Variants in ZNF236 observed in about 807,000 individuals in gnomAD.
ZNF236 encodes the protein regulated by glucose.
A neutral mutation model predicts 191.2 loss-of-function variants in ZNF236; 50 were observed. The observed-to-expected ratio is 0.26, with a 90% confidence interval of 0.21 to 0.33. ZNF236 has a LOEUF of 0.33. Ranked by LOEUF, ZNF236 falls within the 10% of genes least tolerant of loss-of-function variation. The pLI, the probability that ZNF236 is intolerant of heterozygous loss-of-function variation, is 1.00. For missense variants in ZNF236, 1,754 were observed against 2,374.5 expected (o/e 0.74, Z 5.43); for synonymous variants, 907 against 928.8 (o/e 0.98, Z 0.43).
chr18:76,842,115 A>T (rs896578340), intron 1 of ZNF236, among the ~76,000 whole-genome samples: 2 of 152,128 alleles, frequency 1.3e-5, no homozygotes, highest in African/African-American at 4.8e-5. Flanking sequence ...CCACTGGTTT[A>T]ATTATGTGAT....
Position 76,923,170 on chromosome 18 carries a change from C to T in ZNF236, c.3657C>T (p.His1219=). 1.9e-6 allele frequency: 3 copies of T among 1,607,472 alleles called. No homozygotes were observed. The highest frequency in any genetic ancestry group is 2.6e-6 in the Non-Finnish European group (3 of 1,173,996). ...KSTLDCHVKT[H]TGQKLFSCHV... ...CTCTCGATTGTCATGTGAAGACTCA[C>T]ACAGGTAAGGAAAACATGCCTGCGT... Residue 1219 remains histidine, a synonymous_variant, in exon 21 of 31, where the codon CAC becomes CAT. Transcript: ENST00000320610.
intron 27 of ZNF236, among the ~76,000 whole-genome samples, chr18:76,954,553 T>G (rs370598148): frequency 5.3e-5 from 8 of 152,334 alleles, no homozygotes; most frequent in East Asian, 3.8e-4. Context: ...AACAGGCATG[T>G]GTTTCTGTCA....
Position 76,927,877 on chromosome 18 carries a change from A to G in ZNF236, c.4415-50A>G, listed in dbSNP as rs1376290552. Reference sequence around the variant, plus strand: ...ATATTTTTAATATAAAAACAGGGGAAATTGGTTATTTTGAATCTCAACTTT... The same window carrying G: ...ATATTTTTAATATAAAAACAGGGGAGATTGGTTATTTTGAATCTCAACTTT... On this transcript the variant is annotated intron_variant, in intron 24 of 30. Transcript: ENST00000320610. The surrounding 1 kb of genome is among the most constrained non-coding windows in gnomAD (Gnocchi z 5.4). The G allele has an allele frequency of 7.4e-7, 1 of 1,349,608 alleles. No individual in the cohort carries two copies. The highest frequency in any genetic ancestry group is 1.5e-5 in the South Asian group (1 of 65,648). The allele number at this position is 1,349,608 out of a possible 1,614,324, so 83.6% of individuals were successfully genotyped here.
At chr18:76,861,270 T>A (rs1599340809) in intron 3 of ZNF236, among the ~76,000 whole-genome samples, 1 of 152,164 alleles carries the variant, frequency 6.6e-6, no homozygotes, top group African/African-American at 2.4e-5. Flanking sequence ...TGCCCTCAGG[T>A]TTGTCCAACA....
chr18:76,920,111 G>A, intron 20 of ZNF236, 53 bp downstream of exon 20: 1 of 1,554,040 alleles, frequency 6.4e-7, no homozygotes, highest in Non-Finnish European at 8.7e-7. Context: ...GGAGGTGCAG[G>A]CAGCTGCTCC....
At chr18:76,905,524 G>GC in intron 13 of ZNF236, 109 bp downstream of exon 13, 1 of 991,904 alleles carries the variant, frequency 1.0e-6, no homozygotes, top group Non-Finnish European at 1.4e-6. Flanking sequence ...ATTATTTCTA[G>GC]CTCATACTAT....
chr18:76,890,410 T>G (rs544946483), intron 9 of ZNF236, among the ~76,000 whole-genome samples: 3 of 152,202 alleles, frequency 2.0e-5, no homozygotes, highest in Non-Finnish European at 4.4e-5. Flanking sequence ...TTATTGAAAT[T>G]TTATCATTGG....
At chr18:76,929,099 GT>G (rs1325781769) in intron 25 of ZNF236, among the ~76,000 whole-genome samples, 1 of 149,582 alleles carries the variant, frequency 6.7e-6, no homozygotes, top group African/African-American at 2.5e-5. Flanking sequence ...GATTTCTGCT[GT>G]TTCAGAGATA....
At chr18:76,935,416 A>G (rs1282762050) in intron 25 of ZNF236, among the ~76,000 whole-genome samples, 3 of 152,166 alleles carry the variant, frequency 2.0e-5, no homozygotes, top group African/African-American at 7.2e-5. Context: ...AGCCTTCTCT[A>G]TCTTTTTACA....
intron 9 of ZNF236, among the ~76,000 whole-genome samples, chr18:76,890,255 C>T (rs1260865114): frequency 6.6e-6 from 1 of 152,110 alleles, no homozygotes. Flanking sequence ...CTGAGAGTGA[C>T]TTGTAGATAT....
chr18:76,826,350 C>G (rs1401227483), intron 1 of ZNF236, among the ~76,000 whole-genome samples: 1 of 149,572 alleles, frequency 6.7e-6, no homozygotes, highest in South Asian at 2.2e-4. Context: ...TCTCGAACTC[C>G]TGACCTCAAA....
rs900772567 is a variant in ZNF236, at chr18:76,875,371, G to A, written c.668-121G>A. The stretch of plus-strand genomic sequence containing the variant: ...AGACACTTGTATATATGCATCTAGA[G>A]TTCTGGGGAGACATTTTGGCTGGAG... On this transcript the variant is annotated intron_variant, in intron 5 of 30. Coordinates refer to ENST00000320610, the MANE Select transcript of ZNF236 (RefSeq NM_001306089.2). This position sits in a 1 kb window ranked among gnomAD's most constrained non-coding sequence, Gnocchi z 4.3. 4 of 950,314 alleles carry A rather than the reference G, an allele frequency of 4.2e-6. No homozygotes were observed. The highest frequency in any genetic ancestry group is 5.8e-6 in the Non-Finnish European group (4 of 684,476). The allele number at this position is 950,314 out of a possible 1,614,324, so 58.9% of individuals were successfully genotyped here.
rs1010203470 is a variant in ZNF236 at position 76,919,278 on chromosome 18, C to CT, written c.3275-490dup. 9.9e-5 allele frequency among the ~76,000 whole-genome samples: 15 copies of CT among 151,850 alleles called. No homozygotes were observed. Among genetic ancestry groups the CT allele is most frequent in the Non-Finnish European group, 5.9e-5 (4 of 67,970 alleles). ...CTCCTAAAGGATGCCCTTCACTTGG[C>CT]TTTTTTTTGGTTACATAATATTTCT... On this transcript the variant is annotated intron_variant, in intron 19 of 30. Transcript: ENST00000320610. This position sits in a 1 kb window ranked among gnomAD's most constrained non-coding sequence, Gnocchi z 5.3.
At chr18:76,926,782 G>C (rs372983282) in intron 22 of ZNF236, among the ~76,000 whole-genome samples, 6 of 151,968 alleles carry the variant, frequency 3.9e-5, no homozygotes, top group South Asian at 2.1e-4. Context: ...ATGGTATAAA[G>C]GGTGATTAGA....
chr18:76,824,380 A>G, intron 1 of ZNF236: 3 of 781,044 alleles, frequency 3.8e-6, no homozygotes, highest in East Asian at 2.4e-5. Context: ...GGGCTGCTGG[A>G]GAGATGTTGG....
chr18:76,850,310 G>T (rs1487477405), intron 2 of ZNF236, among the ~76,000 whole-genome samples: 2 of 152,180 alleles, frequency 1.3e-5, no homozygotes, highest in Admixed American at 1.3e-4. Flanking sequence ...CTCCTTTAGA[G>T]AACAGGATGT....
At chr18:76,829,431 C>T (rs1975106097) in intron 1 of ZNF236, among the ~76,000 whole-genome samples, 1 of 151,868 alleles carries the variant, frequency 6.6e-6, no homozygotes, top group South Asian at 2.1e-4. Flanking sequence ...GGACTCAAGC[C>T]ATCCTCTCAC....
intron 1 of ZNF236, among the ~76,000 whole-genome samples, chr18:76,831,726 C>G (rs1188151386): frequency 1.3e-5 from 2 of 152,120 alleles, no homozygotes; most frequent in Non-Finnish European, 2.9e-5. Context: ...TGGATTTTAG[C>G]CATTCTGTTA....
chr18:76,950,638 C>T (rs1211378645), intron 27 of ZNF236, among the ~76,000 whole-genome samples: 1 of 152,200 alleles, frequency 6.6e-6, no homozygotes, highest in African/African-American at 2.4e-5. Flanking sequence ...AGTCTTGAAC[C>T]TCTCAAAGTC....
Sources: allele counts gnomAD v4.1 joint callset (sites outside exome capture counted in the v4.1 genomes callset), GRCh38; gene constraint gnomAD v4.1.1; non-coding constraint Gnocchi (gnomAD v3.1); transcripts MANE v1.5; gene names NCBI Gene and HGNC (gene_info 2026-07-23, HGNC 2026-07-21).